The following MICALL2 variants were observed in gnomAD, a reference collection of about 807,000 sequenced individuals.
The protein encoded by MICALL2 is MICAL-like protein 2.
MICALL2 carries 111 observed loss-of-function variants against 91.1 expected under a neutral mutation model. The ratio of observed to expected loss-of-function variants is 1.22; its 90% CI spans 1.04 to 1.43. The LOEUF is 1.43. Ranked by LOEUF, MICALL2 falls within the 40% of genes most tolerant of loss-of-function variation. The pLI, the probability that MICALL2 is intolerant of heterozygous loss-of-function variation, is 0.00. For missense variants in MICALL2, 1,556 were observed against 1,236.0 expected (o/e 1.26, Z -3.88); for synonymous variants, 694 against 525.3 (o/e 1.32, Z -4.39).
At position 1,436,787 on chromosome 7, in the gene MICALL2, T is replaced by G. The variant is rs775292612; in HGVS notation, c.2546A>C (p.Asn849Thr). Residue 849 changes from asparagine to threonine, a missense_variant, in exon 15 of 17, where the codon AAC (asparagine) becomes ACC (threonine). Coordinates refer to ENST00000297508, the MANE Select transcript of MICALL2 (RefSeq NM_182924.4). ...CGAGTCCACGATGTCACTGCGGTCG[T>G]TCACGGTGCTCACGTACTGCTCCAG... The part of the protein sequence containing the change: ...ELLEQYVSTV[N>T]DRSDIVDSLD... 3.1e-6 allele frequency: 5 copies of G among 1,608,918 alleles called. No individual in the cohort carries two copies. In the South Asian group the frequency reaches 5.5e-5, roughly 18 times the overall value.
At chr7:1,442,514 A>C (rs199669825) in intron 6 of MICALL2, 30 bp from the exon 7 acceptor site, 1 of 1,511,364 alleles carries the variant, frequency 6.6e-7, no homozygotes, top group East Asian at 2.3e-5. Flanking sequence ...CATCAGGCAC[A>C]GCTGGATCCA....
At chr7:1,437,432 A>AC (rs1385907846) in intron 14 of MICALL2, 103 bp downstream of exon 14, 2 of 1,067,908 alleles carry the variant, frequency 1.9e-6, no homozygotes, top group African/African-American at 1.7e-5. Context: ...GGAAGGTCTC[A>AC]CCACCAGGAC....
At chr7:1,450,616 C>A (rs572964293) in intron 1 of MICALL2, 13 of 313,146 alleles carry the variant, frequency 4.2e-5, no homozygotes, top group African/African-American at 2.1e-4. Flanking sequence ...CAGCCCAGGG[C>A]GGTTCAGCAC....
intron 8 of MICALL2, 44 bp from the exon 9 acceptor site, chr7:1,440,129 G>C: frequency 9.5e-7 from 1 of 1,047,486 alleles, no homozygotes. Context: ...ACCAGCCCCA[G>C]GGCCTGGCCC....
At chr7:1,446,910 G>A (rs1780623371) in intron 4 of MICALL2, 82 bp from the exon 5 acceptor site, 6 of 1,001,704 alleles carry the variant, frequency 6.0e-6, no homozygotes. Flanking sequence ...GGCCGGAAGA[G>A]CCCATCTTAC....
intron 1 of MICALL2, among the ~76,000 whole-genome samples, chr7:1,453,143 G>A (rs2128525474): frequency 6.6e-6 from 1 of 152,016 alleles, no homozygotes; most frequent in East Asian, 1.9e-4. Context: ...CGTGTCTCCA[G>A]GAGCCCCCCA....
At chr7:1,444,040 T>A (rs1476042767) in intron 6 of MICALL2, among the ~76,000 whole-genome samples, 3 of 136,698 alleles carry the variant, frequency 2.2e-5, no homozygotes, top group African/African-American at 8.3e-5. Flanking sequence ...CCGCGTCCAC[T>A]CAGACCCGCC....
chr7:1,436,101 A>C (rs1239386262), intron 15 of MICALL2, among the ~76,000 whole-genome samples: 1 of 150,746 alleles, frequency 6.6e-6, no homozygotes, highest in Non-Finnish European at 1.5e-5. Context: ...AAAAACTAAG[A>C]CTTTACGGCC....
chr7:1,449,519 G>T (rs1049527991), intron 2 of MICALL2, among the ~76,000 whole-genome samples: 1 of 152,222 alleles, frequency 6.6e-6, no homozygotes, highest in African/African-American at 2.4e-5. Flanking sequence ...CCATGAACTT[G>T]TAATTTTAGT....
At chr7:1,450,837 T>G (rs1000778875) in intron 1 of MICALL2, among the ~76,000 whole-genome samples, 6 of 152,174 alleles carry the variant, frequency 3.9e-5, no homozygotes, top group African/African-American at 1.2e-4. Flanking sequence ...GCTTCTGTTG[T>G]TGGAAGGGTG....
In MICALL2 at chr7:1,436,844, G is replaced by C. The variant is rs954667563; in HGVS notation, c.2489C>G (p.Ser830Ter). The change falls in exon 15 of 17, where the codon TCA becomes TGA. Residue 830 changes from serine (S) to a stop codon, truncating the protein, a stop_gained. Coordinates refer to ENST00000297508, the MANE Select transcript of MICALL2 (RefSeq NM_182924.4). LOFTEE classifies it high-confidence loss of function. ...RLMAKPEALK[S>*]LQERRREQEL... ...CTGCTCCCGCCGCCGCTCCTGCAGT[G>C]ACTTCAGAGCCTCTGTGGGGATGGC... 6.3e-7 allele frequency: 1 copy of C among 1,598,520 alleles called. No homozygotes were observed. Among genetic ancestry groups the C allele is most frequent in the South Asian group, 1.1e-5 (1 of 89,650 alleles).
intron 14 of MICALL2, 125 bp downstream of exon 14, chr7:1,437,410 G>A (rs370285449): frequency 1.2e-5 from 9 of 765,514 alleles, no homozygotes; most frequent in African/African-American, 3.9e-5. Context: ...ACGTGGGCTC[G>A]CCTGGCTCCA....
rs751039292 is a variant in MICALL2 at position 1,444,615 on chromosome 7, G to A, written c.1418+37C>T. ...GGGGCCCCGCTGGCTGGTGCAAAGA[G>A]GCCATACCCGGGGTCCCTCGGTCCC... On this transcript the variant is annotated intron_variant, in intron 6 of 16. Coordinates refer to ENST00000297508, the MANE Select transcript of MICALL2 (RefSeq NM_182924.4). The A allele has an allele frequency of 1.7e-5, 27 of 1,583,976 alleles. No individual in the cohort carries two copies. The East Asian group carries it at 6.2e-4, about 36-fold the overall frequency.
chr7:1,451,817 C>T lies in MICALL2; in HGVS notation c.144-1529G>A, dbSNP rs1004700691. On this transcript the variant is annotated intron_variant, in intron 1 of 16. Coordinates refer to ENST00000297508, the MANE Select transcript of MICALL2 (RefSeq NM_182924.4). The surrounding 1 kb of genome is among the most constrained non-coding windows in gnomAD (Gnocchi z 4.5). The stretch of plus-strand genomic sequence containing the variant: ...CAAACGGAGAAGTGGGGGCCGAGAC[C>T]CCTGTGGCCACGCAGCCTGGGCGGC... Among the ~76,000 whole-genome samples, 4 of 152,338 alleles carry T rather than the reference C, an allele frequency of 2.6e-5. No homozygotes were observed. Among genetic ancestry groups the T allele is most frequent in the Admixed American group, 1.3e-4 (2 of 15,306 alleles).
intron 15 of MICALL2, 28 bp downstream of exon 15, chr7:1,436,714 G>A (rs1584193853): frequency 4.5e-6 from 7 of 1,567,500 alleles, no homozygotes; most frequent in African/African-American, 1.4e-5. Context: ...GGCCTGGCTG[G>A]GAGGGGCCCC....
At chr7:1,443,276 A>G (rs1000467377) in intron 6 of MICALL2, among the ~76,000 whole-genome samples, 4 of 134,580 alleles carry the variant, frequency 3.0e-5, no homozygotes, top group Non-Finnish European at 6.3e-5. Context: ...GACACCCCCC[A>G]GTGCCAGGAG....
At chr7:1,441,858 G>A in intron 7 of MICALL2, 1 of 357,250 alleles carries the variant, frequency 2.8e-6, no homozygotes. Context: ...ACAGACCACG[G>A]CCAAGCCAGG....
In MICALL2 at chr7:1,451,869, C is replaced by G. The variant is rs1379914142; in HGVS notation, c.144-1581G>C. ...TAGTTCTGAGCCCAGCCTGCACAGC[C>G]CTTGCCAGGCCCTGACCCCCATAAG... On this transcript the variant is annotated intron_variant, in intron 1 of 16. Coordinates refer to ENST00000297508, the MANE Select transcript of MICALL2 (RefSeq NM_182924.4). The surrounding 1 kb of genome is among the most constrained non-coding windows in gnomAD (Gnocchi z 4.5). Among the ~76,000 whole-genome samples the G allele has an allele frequency of 6.6e-6, 1 of 152,220 alleles. No homozygotes were observed. Among genetic ancestry groups the G allele is most frequent in the Non-Finnish European group, 1.5e-5 (1 of 68,030 alleles).
Position 1,440,012 on chromosome 7 carries a change from T to C in MICALL2, c.1879A>G (p.Ser627Gly), listed in dbSNP as rs1584204947. The change falls in exon 9 of 17, where the codon AGC becomes GGC. Residue 627 changes from serine (S) to glycine (G), a missense_variant. Coordinates refer to ENST00000297508, the MANE Select transcript of MICALL2 (RefSeq NM_182924.4). ...AGEAPRKVSG[S>G]FAGSVHITLT... ...GTGATGTGGACACTCCCAGCAAAGC[T>C]GCCTGAGACCTTCCTGGGGGCCTCC... The C allele has an allele frequency of 8.3e-6, 13 of 1,557,386 alleles. No individual in the cohort carries two copies. The highest frequency in any genetic ancestry group is 1.1e-5 in the Non-Finnish European group (13 of 1,162,428).
Sources: gnomAD v4.1 joint callset for allele counts (sites outside exome capture counted in the v4.1 genomes callset) on GRCh38, gnomAD v4.1.1 for gene constraint, Gnocchi (gnomAD v3.1) non-coding constraint, MANE v1.5 for transcripts, NCBI Gene and HGNC (gene_info 2026-07-23, HGNC 2026-07-21) for gene names.